CD8B2: variants seen among roughly 807,000 people sequenced by gnomAD.
The protein encoded by CD8B2 is CD8B family member 2.
A neutral mutation model predicts 23.7 loss-of-function variants in CD8B2; 11 were observed. That is an observed-to-expected ratio of 0.46 (90% confidence interval 0.29 to 0.77). The LOEUF (loss-of-function observed/expected upper bound fraction) is 0.77, where lower values mean the gene tolerates loss of function less well. Ranked by LOEUF, CD8B2 falls within the 30% of genes least tolerant of loss-of-function variation. CD8B2 has a pLI of 0.09. For missense variants in CD8B2, 197 were observed against 270.5 expected, an observed-to-expected ratio of 0.73 and a Z score of 1.91; for synonymous variants, 90 against 109.3, an observed-to-expected ratio of 0.82 and a Z score of 1.10.
At chr2:106,522,620 C>T (rs1242682128) in intron 5 of CD8B2, among the ~76,000 whole-genome samples, 1 of 152,126 alleles carries the variant, frequency 6.6e-6, no homozygotes, top group African/African-American at 2.4e-5. Flanking sequence ...CAGGGCTTTC[C>T]ACAGGGCCCT....
At chr2:106,504,457 C>G in intron 5 of CD8B2, 132 bp downstream of exon 5, 1 of 1,525,494 alleles carries the variant, frequency 6.6e-7, no homozygotes, top group Admixed American at 2.0e-5. Context: ...CGTGGTAGTG[C>G]ACACCTGTAG....
chr2:106,537,428 G>C (rs959326977), intron 5 of CD8B2, among the ~76,000 whole-genome samples: 1 of 151,858 alleles, frequency 6.6e-6, no homozygotes, highest in African/African-American at 2.4e-5. Context: ...GAAAATTATG[G>C]TTCAACGCCA....
At chr2:106,518,018 T>G (rs1192479511) in intron 5 of CD8B2, among the ~76,000 whole-genome samples, 1 of 152,192 alleles carries the variant, frequency 6.6e-6, no homozygotes, top group Non-Finnish European at 1.5e-5. Context: ...CCAGCCTGTT[T>G]ATAGCTCTTT....
downstream of CD8B2, among the ~76,000 whole-genome samples, chr2:106,514,142 G>A (rs186144396): frequency 1.6e-3 from 225 of 140,564 alleles, 5 homozygotes; most frequent in East Asian, 0.012. Context: ...AAGTCTGCCA[G>A]CCCCACCGAG....
chr2:106,531,583 G>A lies in CD8B2; in HGVS notation c.621-12409G>A, dbSNP rs1025635529. Among the ~76,000 whole-genome samples the A allele has an allele frequency of 2.6e-5, 4 of 152,136 alleles. No homozygotes were observed. In the South Asian group the frequency reaches 8.3e-4, roughly 32 times the overall value. ...CTGCAGGCTGAGTCCCTAGGGCCAT[G>A]TGAGCCTCTCAAGCCTGGTTAGGTC... On this transcript the variant is annotated intron_variant, in intron 5 of 5. Coordinates refer to the CD8B2 transcript ENST00000416057.
At chr2:106,526,861 C>T (rs971103062) in intron 5 of CD8B2, among the ~76,000 whole-genome samples, 75 of 152,254 alleles carry the variant, frequency 4.9e-4, no homozygotes, top group African/African-American at 1.7e-3. Context: ...AGGCTGGTCT[C>T]GAACTCCTGA....
downstream of CD8B2, among the ~76,000 whole-genome samples, chr2:106,512,301 T>A (rs1679647157): frequency 6.6e-6 from 1 of 152,194 alleles, no homozygotes; most frequent in Non-Finnish European, 1.5e-5. Flanking sequence ...GGTCTTGAAC[T>A]CCTGGGCTCA....
chr2:106,536,069 T>A (rs1040647366), intron 5 of CD8B2, among the ~76,000 whole-genome samples: 1 of 150,394 alleles, frequency 6.6e-6, no homozygotes, highest in South Asian at 2.1e-4. Flanking sequence ...AGTTTTGCTC[T>A]TGCTGCCCAG....
At chr2:106,494,967 C>T (rs1414114943) in intron 2 of CD8B2, among the ~76,000 whole-genome samples, 2 of 152,140 alleles carry the variant, frequency 1.3e-5, no homozygotes, top group African/African-American at 2.4e-5. Flanking sequence ...AAAGGGCACC[C>T]CCTCCTTCCA....
At chr2:106,540,709 C>T (rs374658331) in intron 5 of CD8B2, among the ~76,000 whole-genome samples, 11 of 152,098 alleles carry the variant, frequency 7.2e-5, no homozygotes, top group Admixed American at 2.0e-4. Context: ...GGATTACAGG[C>T]GCCTACCACC....
chr2:106,533,876 C>T (rs1408401864), intron 5 of CD8B2, among the ~76,000 whole-genome samples: 1 of 152,140 alleles, frequency 6.6e-6, no homozygotes, highest in African/African-American at 2.4e-5. Context: ...GGGAAGTTTG[C>T]CACAGGTGGA....
At chr2:106,535,126 C>T (rs1280129796) in intron 5 of CD8B2, 2 of 152,218 alleles carry the variant, frequency 1.3e-5, no homozygotes, top group Non-Finnish European at 2.9e-5. Context: ...CCGGCCAAGA[C>T]CTAATGTTTT....
chr2:106,493,018 C>T (rs1039736702), intron 2 of CD8B2, among the ~76,000 whole-genome samples: 3 of 152,090 alleles, frequency 2.0e-5, no homozygotes, highest in East Asian at 1.9e-4. Context: ...GCTAGTTTCC[C>T]GCCTTCCCAC....
intron 5 of CD8B2, among the ~76,000 whole-genome samples, chr2:106,542,759 A>G (rs1375885320): frequency 6.7e-6 from 1 of 149,538 alleles, no homozygotes; most frequent in African/African-American, 2.4e-5. Context: ...TACATACTAT[A>G]TATGAAGTAT....
chr2:106,520,964 TAGG>T (rs376557405), intron 5 of CD8B2, among the ~76,000 whole-genome samples: 11 of 129,014 alleles, frequency 8.5e-5, no homozygotes, highest in African/African-American at 3.2e-4. Context: ...AAGAAAGAGA[TAGG>T]AGAACAACTC....
chr2:106,491,906 C>T (rs1042439651), intron 2 of CD8B2, among the ~76,000 whole-genome samples: 1 of 152,158 alleles, frequency 6.6e-6, no homozygotes, highest in Non-Finnish European at 1.5e-5. Flanking sequence ...ACATCAGGGA[C>T]ATTCGAAGCT....
chr2:106,534,857 T>C (rs77743555), intron 5 of CD8B2, among the ~76,000 whole-genome samples: 1 of 152,180 alleles, frequency 6.6e-6, no homozygotes, highest in Admixed American at 6.5e-5. Flanking sequence ...CTTGCTTTTT[T>C]GCCCAGACTG....
intron 5 of CD8B2, among the ~76,000 whole-genome samples, chr2:106,529,388 T>G (rs1430376415): frequency 1.3e-5 from 2 of 152,124 alleles, no homozygotes; most frequent in African/African-American, 4.8e-5. Context: ...AATGAGCATT[T>G]CTCATCTGTA....
At chr2:106,515,027 G>A (rs1679706018), downstream of CD8B2, among the ~76,000 whole-genome samples, 1 of 152,212 alleles carries the variant, frequency 6.6e-6, no homozygotes, top group South Asian at 2.1e-4. Context: ...CTACAGCTTT[G>A]TGGAAAACAG....
Sources: allele counts gnomAD v4.1 joint callset (sites outside exome capture counted in the v4.1 genomes callset), GRCh38; gene constraint gnomAD v4.1.1; transcripts MANE v1.5; gene names NCBI Gene and HGNC (gene_info 2026-07-23, HGNC 2026-07-21).